TPD52L1: variants seen among roughly 807,000 people sequenced by gnomAD.
The protein encoded by TPD52L1 is tumor protein D53.
Under a neutral mutation model 28.7 loss-of-function variants are expected in TPD52L1, and 18 were observed. That is an observed-to-expected ratio of 0.63 (90% CI 0.43 to 0.93). The LOEUF is 0.93. TPD52L1 is among the 40% of genes least tolerant of loss of function. TPD52L1 has a pLI of 0.00. For missense variants in TPD52L1, 203 were observed against 254.8 expected (o/e 0.80, Z 1.39); for synonymous variants, 75 against 88.8 (o/e 0.84, Z 0.88).
At chr6:125,230,332 TG>T in intron 3 of TPD52L1, among the ~76,000 whole-genome samples, 1 of 152,266 alleles carries the variant, frequency 6.6e-6, no homozygotes, top group East Asian at 1.9e-4. Flanking sequence ...TTTTGTGTAT[TG>T]GGGGTTAGGG....
Position 125,158,963 on chromosome 6 carries a change from A to C in TPD52L1, c.19+4993A>C, listed in dbSNP as rs188269151. On this transcript the variant is annotated intron_variant, in intron 1 of 6. Transcript: ENST00000534000. ...TATGTAAAAGATACTTTTTGCTAAA[A>C]ATTGCTAACGATCATTTGTGCCTTC... Among the ~76,000 whole-genome samples the C allele has an allele frequency of 1.1e-4, 16 of 152,344 alleles. No individual in the cohort carries two copies. In the East Asian group the frequency reaches 2.9e-3, roughly 27 times the overall value.
chr6:125,162,314 T>C (rs1790568870), intron 1 of TPD52L1, among the ~76,000 whole-genome samples: 2 of 152,198 alleles, frequency 1.3e-5, no homozygotes, highest in African/African-American at 2.4e-5. Context: ...GCTGTTGTAG[T>C]AGATGGGAAC....
At chr6:125,176,083 G>T (rs1182667576) in intron 1 of TPD52L1, among the ~76,000 whole-genome samples, 1 of 138,964 alleles carries the variant, frequency 7.2e-6, no homozygotes, top group East Asian at 4.0e-4. Context: ...TTGCCTTCAG[G>T]GTGATTTTCA....
At chr6:125,194,696 C>T (rs1793297972) in intron 1 of TPD52L1, among the ~76,000 whole-genome samples, 2 of 152,230 alleles carry the variant, frequency 1.3e-5, no homozygotes, top group Non-Finnish European at 2.9e-5. Flanking sequence ...AATCTTCCTA[C>T]TTTGTAAGAC....
intron 1 of TPD52L1, among the ~76,000 whole-genome samples, chr6:125,182,237 G>C (rs189651831): frequency 2.0e-4 from 31 of 152,322 alleles, no homozygotes; most frequent in Admixed American, 3.3e-4. Context: ...GCTTTCTCTA[G>C]GGCAGATGTG....
At chr6:125,181,286 G>A (rs1246707900) in intron 1 of TPD52L1, among the ~76,000 whole-genome samples, 1 of 152,146 alleles carries the variant, frequency 6.6e-6, no homozygotes, top group Admixed American at 6.5e-5. Context: ...CAGAACATAA[G>A]ATACTCACGC....
intron 1 of TPD52L1, among the ~76,000 whole-genome samples, chr6:125,155,017 G>T (rs987553639): frequency 2.0e-5 from 3 of 152,198 alleles, no homozygotes; most frequent in African/African-American, 7.2e-5. Context: ...TGGCGATTGC[G>T]TGGGCCTGGA....
intron 1 of TPD52L1, chr6:125,154,345 G>A (rs2114715609): frequency 2.9e-6 from 3 of 1,049,008 alleles, no homozygotes; most frequent in Non-Finnish European, 1.1e-6. Flanking sequence ...GGAGTGGGGA[G>A]GGAATGTGAC....
intron 3 of TPD52L1, among the ~76,000 whole-genome samples, chr6:125,233,758 G>A (rs375606234): frequency 3.4e-4 from 52 of 152,220 alleles, no homozygotes; most frequent in African/African-American, 1.2e-3. Flanking sequence ...ATTTCTTCTA[G>A]TTGTATGTAG....
At chr6:125,181,112 C>G (rs1406703043) in intron 1 of TPD52L1, among the ~76,000 whole-genome samples, 4 of 151,936 alleles carry the variant, frequency 2.6e-5, no homozygotes, top group African/African-American at 9.7e-5. Context: ...GGCAGTGAAC[C>G]CAGTAATGAA....
At chr6:125,169,466 A>G (rs979644415) in intron 1 of TPD52L1, among the ~76,000 whole-genome samples, 1 of 152,032 alleles carries the variant, frequency 6.6e-6, no homozygotes, top group Non-Finnish European at 1.5e-5. Context: ...CCTCCTCCAA[A>G]ATATCCCTAG....
At chr6:125,255,452 C>T (rs1050144150) in intron 5 of TPD52L1, among the ~76,000 whole-genome samples, 3 of 152,168 alleles carry the variant, frequency 2.0e-5, no homozygotes, top group African/African-American at 7.2e-5. Flanking sequence ...GAGGATCACT[C>T]ATAGGAATTT....
intron 1 of TPD52L1, among the ~76,000 whole-genome samples, chr6:125,172,504 C>G (rs551169721): frequency 1.7e-4 from 11 of 64,970 alleles, no homozygotes; most frequent in Non-Finnish European, 2.9e-4. Flanking sequence ...CTATTTCCCT[C>G]TTTCATGCTA....
chr6:125,160,486 A>G (rs1242814411), intron 1 of TPD52L1, among the ~76,000 whole-genome samples: 1 of 152,088 alleles, frequency 6.6e-6, no homozygotes, highest in Non-Finnish European at 1.5e-5. Context: ...TGGCCTCACA[A>G]AGTGTTGGGA....
chr6:125,262,588 A>C, intron 6 of TPD52L1: 1 of 418,378 alleles, frequency 2.4e-6, no homozygotes, highest in Non-Finnish European at 4.3e-6. Flanking sequence ...TCTTAGATAC[A>C]GGAGAGATAA....
At chr6:125,206,990 T>G (rs957641718) in intron 1 of TPD52L1, among the ~76,000 whole-genome samples, 2 of 152,202 alleles carry the variant, frequency 1.3e-5, no homozygotes, top group African/African-American at 4.8e-5. Flanking sequence ...TCAAGAACAT[T>G]AACTATTTTT....
intron 1 of TPD52L1, among the ~76,000 whole-genome samples, chr6:125,173,559 C>T (rs1165065931): frequency 6.6e-6 from 1 of 152,154 alleles, no homozygotes; most frequent in African/African-American, 2.4e-5. Flanking sequence ...CTTTCTTACC[C>T]AAGAGGGTTG....
At chr6:125,174,694 G>A (rs998595162) in intron 1 of TPD52L1, among the ~76,000 whole-genome samples, 2 of 152,184 alleles carry the variant, frequency 1.3e-5, no homozygotes, top group Non-Finnish European at 2.9e-5. Flanking sequence ...GCTTACATTT[G>A]CATTGCTGCT....
Position 125,166,681 on chromosome 6 carries a change from C to T in TPD52L1, c.19+12711C>T, listed in dbSNP as rs567032427. Among the ~76,000 whole-genome samples the T allele has an allele frequency of 4.6e-5, 7 of 151,514 alleles. No individual in the cohort carries two copies. The South Asian group carries it at 6.3e-4, about 14-fold the overall frequency. ...GGTGTCATAGAAAGAAATGAATACC[C>T]CAAGGAGTGATGAGATTTGATTTTC... On this transcript the variant is annotated intron_variant, in intron 1 of 6. Transcript: ENST00000534000.
Sources: gnomAD v4.1 joint callset for allele counts (sites outside exome capture counted in the v4.1 genomes callset) on GRCh38, gnomAD v4.1.1 for gene constraint, MANE v1.5 for transcripts, NCBI Gene and HGNC (gene_info 2026-07-23, HGNC 2026-07-21) for gene names.